CSMD1: variants seen among roughly 807,000 people sequenced by gnomAD.
CSMD1 encodes CUB and Sushi multiple domains 1.
Under a neutral mutation model 417.5 loss-of-function variants are expected in CSMD1, and 213 were observed. The observed-to-expected ratio is 0.51, with a 90% CI of 0.46 to 0.57. The LOEUF (loss-of-function observed/expected upper bound fraction) is 0.57, where lower values mean the gene tolerates loss of function less well. CSMD1 is among the 20% of genes least tolerant of loss of function. The pLI, the probability that CSMD1 is intolerant of heterozygous loss-of-function variation, is 0.00. For missense variants in CSMD1, 6,923 were observed against 4,529.7 expected, an observed-to-expected ratio of 1.53 and a Z score of -15.17; for synonymous variants, 2,862 against 1,736.8, an observed-to-expected ratio of 1.65 and a Z score of -16.11.
chr8:4,024,994 T>G (rs781676298), intron 4 of CSMD1, among the ~76,000 whole-genome samples: 2 of 152,216 alleles, frequency 1.3e-5, no homozygotes, highest in African/African-American at 4.8e-5. Flanking sequence ...TGGGTGGGTT[T>G]AAACGGCCTG....
At chr8:3,033,071 C>G (rs1209187832) in intron 50 of CSMD1, among the ~76,000 whole-genome samples, 1 of 151,838 alleles carries the variant, frequency 6.6e-6, no homozygotes, top group Non-Finnish European at 1.5e-5. Flanking sequence ...TCCTTGTTCT[C>G]TTCCAACTAT....
intron 3 of CSMD1, among the ~76,000 whole-genome samples, chr8:4,353,415 C>T (rs1055963645): frequency 6.6e-6 from 1 of 152,092 alleles, no homozygotes; most frequent in Non-Finnish European, 1.5e-5. Flanking sequence ...AAACCTCTTT[C>T]CTTTATAAAT....
At chr8:4,395,152 C>G (rs751467672) in intron 3 of CSMD1, among the ~76,000 whole-genome samples, 1 of 152,150 alleles carries the variant, frequency 6.6e-6, no homozygotes, top group Non-Finnish European at 1.5e-5. Flanking sequence ...CTGCTGTCCT[C>G]TGACACTCCC....
chr8:4,229,407 C>A (rs577734581), intron 3 of CSMD1, among the ~76,000 whole-genome samples: 2 of 152,348 alleles, frequency 1.3e-5, no homozygotes, highest in East Asian at 3.9e-4. Context: ...CAAGCTAGAT[C>A]ATACCTACCA....
chr8:3,813,639 T>G (rs1445074604), intron 5 of CSMD1, among the ~76,000 whole-genome samples: 1 of 152,162 alleles, frequency 6.6e-6, no homozygotes, highest in African/African-American at 2.4e-5. Flanking sequence ...AATGAACATA[T>G]TATGTTAATT....
chr8:4,885,989 ACTTATTTATTTAC>A (rs1293083599), intron 1 of CSMD1, among the ~76,000 whole-genome samples: 1 of 122,548 alleles, frequency 8.2e-6, no homozygotes, highest in Non-Finnish European at 1.9e-5. Context: ...TTACTTATTT[ACTTATTTATTTAC>A]TTATTTGAGA....
chr8:2,956,872 C>CAT (rs907405148), intron 63 of CSMD1, among the ~76,000 whole-genome samples: 34 of 151,994 alleles, frequency 2.2e-4, no homozygotes, highest in African/African-American at 3.6e-4. Flanking sequence ...TATAAACATG[C>CAT]ATATATATAT....
In CSMD1 at chr8:4,896,093, A is replaced by T. The variant is rs186305504; in HGVS notation, c.85+98239T>A. ...TTTAGAGGCCTTCCTCTGTCTGAAAATTTTTTTCTGCCTTCTGAAATCAAT... is the reference window on the plus strand; with the variant it reads ...TTTAGAGGCCTTCCTCTGTCTGAAATTTTTTTTCTGCCTTCTGAAATCAAT... On this transcript the variant is annotated intron_variant, in intron 1 of 69. Coordinates refer to ENST00000635120, the MANE Select transcript of CSMD1 (RefSeq NM_033225.6). Among the ~76,000 whole-genome samples the T allele has an allele frequency of 8.3e-3, 1,268 of 151,922 alleles. 23 individuals are homozygous for T. The highest frequency in any genetic ancestry group is 0.03 in the African/African-American group (1,227 of 41,344).
chr8:3,333,967 G>A (rs967000880), intron 23 of CSMD1, among the ~76,000 whole-genome samples: 6 of 152,178 alleles, frequency 3.9e-5, no homozygotes, highest in African/African-American at 1.2e-4. Context: ...CCCTCAGCTT[G>A]TATAGGATTT....
intron 2 of CSMD1, among the ~76,000 whole-genome samples, chr8:4,614,983 A>C (rs1801393352): frequency 6.6e-6 from 1 of 152,194 alleles, no homozygotes; most frequent in South Asian, 2.1e-4. Context: ...TTTGTAGTAC[A>C]AAGTAATTTT....
chr8:4,905,871 C>G (rs960418440), intron 1 of CSMD1, among the ~76,000 whole-genome samples: 2 of 138,458 alleles, frequency 1.4e-5, no homozygotes, highest in Admixed American at 8.1e-5. Context: ...TCTTACTATC[C>G]TTAAAATTAT....
chr8:4,324,284 T>G (rs947435738), intron 3 of CSMD1, among the ~76,000 whole-genome samples: 5 of 152,208 alleles, frequency 3.3e-5, no homozygotes, highest in African/African-American at 1.2e-4. Flanking sequence ...TCCTCATCAC[T>G]AACTGCGTAT....
At chr8:4,455,547 T>C (rs1435916712) in intron 2 of CSMD1, among the ~76,000 whole-genome samples, 1 of 152,148 alleles carries the variant, frequency 6.6e-6, no homozygotes, top group Non-Finnish European at 1.5e-5. Context: ...GGCCTCACTT[T>C]ATAGAATATG....
At chr8:3,424,703 C>A (rs1813711551) in intron 12 of CSMD1, among the ~76,000 whole-genome samples, 1 of 152,176 alleles carries the variant, frequency 6.6e-6, no homozygotes. Context: ...CCATTTCTAT[C>A]AGGAAGGAAT....
At chr8:2,945,236 T>C (rs1010247166) in intron 68 of CSMD1, among the ~76,000 whole-genome samples, 5 of 152,226 alleles carry the variant, frequency 3.3e-5, no homozygotes, top group African/African-American at 4.8e-5. Context: ...ACTCGTAATA[T>C]GTGTGATTAT....
intron 5 of CSMD1, among the ~76,000 whole-genome samples, chr8:3,897,254 G>A (rs543928019): frequency 5.1e-4 from 77 of 152,216 alleles, no homozygotes; most frequent in African/African-American, 1.8e-3. Context: ...CAGAGACAAC[G>A]GTCATAGTGT....
At chr8:4,205,803 G>A (rs193218915) in intron 3 of CSMD1, among the ~76,000 whole-genome samples, 8 of 151,996 alleles carry the variant, frequency 5.3e-5, no homozygotes, top group Admixed American at 2.0e-4. Context: ...ATATTTGTGG[G>A]GGTAAAAATG....
At chr8:4,268,720 C>A (rs1044589464) in intron 3 of CSMD1, among the ~76,000 whole-genome samples, 1 of 151,262 alleles carries the variant, frequency 6.6e-6, no homozygotes. Context: ...GTAACATAAC[C>A]AAATACCCCC....
chr8:4,411,029 C>T (rs868397671), intron 3 of CSMD1, among the ~76,000 whole-genome samples: 3 of 152,014 alleles, frequency 2.0e-5, no homozygotes, highest in African/African-American at 4.8e-5. Context: ...TCATGCTTCC[C>T]GTTTTGCTGG....
Sources: allele counts gnomAD v4.1 joint callset (sites outside exome capture counted in the v4.1 genomes callset), GRCh38; gene constraint gnomAD v4.1.1; transcripts MANE v1.5; gene names NCBI Gene and HGNC (gene_info 2026-07-23, HGNC 2026-07-21).